Variants in ABCC1 observed in about 807,000 individuals in gnomAD.
ABCC1 encodes ATP binding cassette subfamily C member 1 (ABCC1 blood group).
In ABCC1, 83 loss-of-function variants were observed where a neutral mutation model predicts 172.9. That is an observed-to-expected ratio of 0.48 (90% CI 0.40 to 0.58). The LOEUF is 0.58. Ranked by LOEUF, ABCC1 falls within the 20% of genes least tolerant of loss-of-function variation. The pLI is 0.00. For synonymous variants in ABCC1, 937 were observed against 825.2 expected (o/e 1.14, Z -2.32); for missense variants, 1,817 against 2,002.7 (o/e 0.91, Z 1.77).
chr16:16,108,691 A>G (rs1337127266), intron 21 of ABCC1, among the ~76,000 whole-genome samples: 4 of 149,904 alleles, frequency 2.7e-5, no homozygotes, highest in Non-Finnish European at 5.9e-5. Context: ...CACCTCCCGG[A>G]TTCAAGTGAT....
At position 16,083,482 on chromosome 16, in the gene ABCC1, T is replaced by C. The variant is rs1240279358; in HGVS notation, c.2232T>C (p.Cys744=). 1 of 1,613,948 alleles carries C rather than the reference T, an allele frequency of 6.2e-7. No homozygotes were observed. The highest frequency in any genetic ancestry group is 1.7e-4 in the Middle Eastern group (1 of 5,846). ...ATTACAGGTCCGTGATACAGGCCTG[T>C]GCCCTCCTCCCAGACCTGGAAATCC... ...EPYYRSVIQA[C]ALLPDLEILP... is the part of the protein sequence containing the mutation. The change falls in exon 17 of 31, where the codon TGT becomes TGC. Residue 744 remains cysteine, a synonymous_variant. Coordinates refer to ENST00000399410, the MANE Select transcript of ABCC1 (RefSeq NM_004996.4).
chr16:15,971,307 G>A (rs940201225), intron 1 of ABCC1, among the ~76,000 whole-genome samples: 25 of 152,276 alleles, frequency 1.6e-4, no homozygotes, highest in African/African-American at 5.1e-4. Flanking sequence ...CACTTGGGGA[G>A]GTGTGGTGGC....
intron 7 of ABCC1, among the ~76,000 whole-genome samples, chr16:16,038,872 G>T (rs753804320): frequency 6.6e-6 from 1 of 152,192 alleles, no homozygotes; most frequent in Non-Finnish European, 1.5e-5. Context: ...CCTGGAGCTT[G>T]TCAGGAGAGC....
At chr16:15,962,375 CTAATT>C (rs1338632985) in intron 1 of ABCC1, among the ~76,000 whole-genome samples, 7 of 152,148 alleles carry the variant, frequency 4.6e-5, no homozygotes, top group Non-Finnish European at 8.8e-5. Flanking sequence ...TACACCTAAA[CTAATT>C]TAATTGCAGA....
chr16:15,994,220 A>G (rs967510825), intron 1 of ABCC1, among the ~76,000 whole-genome samples: 1 of 152,134 alleles, frequency 6.6e-6, no homozygotes, highest in African/African-American at 2.4e-5. Context: ...ACCCTGTCTC[A>G]AAAAACAAAA....
chr16:16,044,253 G>C (rs1384532516), intron 7 of ABCC1, among the ~76,000 whole-genome samples, 197 bp from the exon 8 acceptor site: 1 of 152,242 alleles, frequency 6.6e-6, no homozygotes, highest in Non-Finnish European at 1.5e-5. Context: ...GGCCAAGCCA[G>C]ACCTTGAGCC....
At chr16:16,007,380 A>G (rs966349898) in intron 1 of ABCC1, among the ~76,000 whole-genome samples, 1 of 152,032 alleles carries the variant, frequency 6.6e-6, no homozygotes, top group South Asian at 2.1e-4. Context: ...GGCACGCTCC[A>G]TGCTCAGCCA....
intron 1 of ABCC1, among the ~76,000 whole-genome samples, chr16:15,952,716 TAAA>T (rs57105111): frequency 0.1 from 4,116 of 40,240 alleles, 346 homozygotes; most frequent in East Asian, 0.27. Context: ...GTGAGTTCAT[TAAA>T]AAAAAAAAAA....
chr16:16,010,064 G>C (rs1018363980), intron 3 of ABCC1, among the ~76,000 whole-genome samples, 163 bp downstream of exon 3: 1 of 11,618 alleles, frequency 8.6e-5, no homozygotes, highest in South Asian at 1.1e-3. Flanking sequence ...TTTTTTTAAA[G>C]ACATGAGATC....
intron 1 of ABCC1, among the ~76,000 whole-genome samples, chr16:15,972,031 G>A (rs752494555): frequency 2.6e-5 from 4 of 152,206 alleles, no homozygotes; most frequent in Non-Finnish European, 4.4e-5. Context: ...GTCACTCTGT[G>A]TTGTGTGGTA....
At chr16:16,004,586 TC>T (rs2047450220) in intron 1 of ABCC1, among the ~76,000 whole-genome samples, 1 of 152,114 alleles carries the variant, frequency 6.6e-6, no homozygotes, top group Non-Finnish European at 1.5e-5. Flanking sequence ...GTGAACTTTG[TC>T]CTTTTTAGGG....
rs188253060 is a variant in ABCC1 at position 16,041,205 on chromosome 16, T to C, written c.810-3245T>C. ...CCTTGGTCTCCCAAAGTGCTGGTAT[T>C]ACAGGCGTGAGCCACTGTGCCTGAC... On this transcript the variant is annotated intron_variant, in intron 7 of 30. Transcript: ENST00000399410. Among the ~76,000 whole-genome samples, 119 of 152,172 alleles carry C rather than the reference T, an allele frequency of 7.8e-4. 1 individual carries two copies. The highest frequency in any genetic ancestry group is 2.8e-3 in the African/African-American group (115 of 41,500).
At position 16,036,576 on chromosome 16, in the gene ABCC1, G is replaced by A. The variant is rs1218294400; in HGVS notation, c.782G>A (p.Trp261Ter). ...GTCGTGCCTGTTTTGGTAAAGAACT[G>A]GAAGAAGGAATGCGCCAAGACTAGG... is the stretch of plus-strand genomic sequence containing the variant. The part of the protein sequence containing the change: ...EQVVPVLVKN[W>*]KKECAKTRKQ... Residue 261 changes from tryptophan (W) to a stop codon, truncating the protein, a stop_gained, in exon 7 of 31, where the codon TGG becomes TAG. Transcript: ENST00000399410. LOFTEE classifies it high-confidence loss of function. The A allele has an allele frequency of 7.4e-6, 12 of 1,613,982 alleles. No homozygotes were observed. Among genetic ancestry groups the A allele is most frequent in the Non-Finnish European group, 9.3e-6 (11 of 1,179,982 alleles).
chr16:16,123,062 G>A (rs2045237209), intron 24 of ABCC1, among the ~76,000 whole-genome samples: 1 of 152,124 alleles, frequency 6.6e-6, no homozygotes, highest in African/African-American at 2.4e-5. Flanking sequence ...CCCCAGAGGT[G>A]TCCCATAACC....
At chr16:16,082,081 G>T (rs1025320080) in intron 16 of ABCC1, among the ~76,000 whole-genome samples, 2 of 152,112 alleles carry the variant, frequency 1.3e-5, no homozygotes, top group Non-Finnish European at 2.9e-5. Flanking sequence ...CCAAGTATAG[G>T]CCCCCTTGCT....
intron 1 of ABCC1, among the ~76,000 whole-genome samples, chr16:15,977,109 G>A (rs2046513143): frequency 6.6e-6 from 1 of 152,214 alleles, no homozygotes; most frequent in South Asian, 2.1e-4. Context: ...TGGGGTCGGG[G>A]GAGAGGGAGT....
At chr16:16,137,580 G>A (rs1035886166) in intron 29 of ABCC1, among the ~76,000 whole-genome samples, 2 of 124,390 alleles carry the variant, frequency 1.6e-5, no homozygotes, top group African/African-American at 6.1e-5. Context: ...TTTTGAGACG[G>A]AGGGTCTCAC....
intron 9 of ABCC1, 22 bp from the exon 10 acceptor site, chr16:16,048,119 CT>C: frequency 6.2e-7 from 1 of 1,613,490 alleles, no homozygotes. Flanking sequence ...ACTCACCCAC[CT>C]TCCCTCTCCT....
rs1238268141 is a variant in ABCC1, at chr16:16,086,772, G to C, written c.2293-52G>C. ...CACACTCGGCCTGCTTCTACGTATT[G>C]TGAGTCTCAAGATTTCCCAGGAAAC... is the stretch of plus-strand genomic sequence containing the variant. On this transcript the variant is annotated intron_variant, in intron 17 of 30. Coordinates refer to ENST00000399410, the MANE Select transcript of ABCC1 (RefSeq NM_004996.4). 1.0e-5 allele frequency: 16 copies of C among 1,597,120 alleles called. No individual in the cohort carries two copies. The South Asian group carries it at 1.7e-4, about 17-fold the overall frequency.
Sources: allele counts gnomAD v4.1 joint callset (sites outside exome capture counted in the v4.1 genomes callset), GRCh38; gene constraint gnomAD v4.1.1; transcripts MANE v1.5; gene names NCBI Gene and HGNC (gene_info 2026-07-23, HGNC 2026-07-21).